Variants in GAN observed in about 807,000 individuals in gnomAD.
GAN encodes gigaxonin.
In GAN, 48 loss-of-function variants were observed where a neutral mutation model predicts 71.3. The observed-to-expected ratio is 0.67, with a 90% CI of 0.53 to 0.86. GAN has a LOEUF of 0.86. Among genes scored for constraint, GAN ranks in the 40% least tolerant of loss-of-function variants. The probability of loss-of-function intolerance (pLI) is 0.00; values close to 1 mark genes in which losing one functional copy is unlikely to be tolerated. For missense variants in GAN, 928 were observed against 770.1 expected, an observed-to-expected ratio of 1.21 and a Z score of -2.43; for synonymous variants, 386 against 276.8, an observed-to-expected ratio of 1.39 and a Z score of -3.92.
intron 1 of GAN, among the ~76,000 whole-genome samples, chr16:81,339,956 T>C (rs1909887367): frequency 1.3e-5 from 2 of 152,194 alleles, no homozygotes; most frequent in Admixed American, 1.3e-4. Context: ...CAGCAATTCA[T>C]TTTTTCATGG....
At chr16:81,335,746 C>CAAAAA (rs55948723) in intron 1 of GAN, among the ~76,000 whole-genome samples, 4 of 103,414 alleles carry the variant, frequency 3.9e-5, no homozygotes, top group East Asian at 2.6e-4. Context: ...GACTCAGTCT[C>CAAAAA]AAAAAAAAAA....
chr16:81,332,547 G>A (rs1381794230), intron 1 of GAN, among the ~76,000 whole-genome samples: 1 of 152,154 alleles, frequency 6.6e-6, no homozygotes, highest in African/African-American at 2.4e-5. Context: ...CAAGTGCTCA[G>A]CCAACCTGAG....
At chr16:81,365,644 T>G (rs1910830945) in intron 9 of GAN, among the ~76,000 whole-genome samples, 166 bp downstream of exon 9, 1 of 150,892 alleles carries the variant, frequency 6.6e-6, no homozygotes, top group Non-Finnish European at 1.5e-5. Context: ...CAAGTGCTAG[T>G]AACTTAAAAT....
At chr16:81,360,739 C>G (rs1910646516) in intron 5 of GAN, among the ~76,000 whole-genome samples, 1 of 151,804 alleles carries the variant, frequency 6.6e-6, no homozygotes, top group Non-Finnish European at 1.5e-5. Flanking sequence ...TTTAAATTAT[C>G]TTTGTTTTTT....
chr16:81,356,644 G>C (rs1421730765), intron 3 of GAN, 141 bp from the exon 4 acceptor site: 31 of 743,440 alleles, frequency 4.2e-5, no homozygotes, highest in Admixed American at 3.6e-4. Context: ...AGATATTCAA[G>C]CAGCACGAGT....
intron 5 of GAN, among the ~76,000 whole-genome samples, chr16:81,359,478 C>G (rs192129940): frequency 1.7e-3 from 258 of 148,382 alleles, no homozygotes; most frequent in African/African-American, 5.9e-3. Context: ...TTCTTCTCTA[C>G]CAGTTTGGGA....
intron 1 of GAN, among the ~76,000 whole-genome samples, chr16:81,320,759 T>C (rs900552195): frequency 3.9e-5 from 6 of 152,196 alleles, no homozygotes; most frequent in Admixed American, 3.3e-4. Flanking sequence ...ACTCTTATGG[T>C]GATGGAAAAT....
In GAN at chr16:81,357,908, T is replaced by C; in HGVS notation, c.950T>C (p.Ile317Thr). The change falls in exon 5 of 11, where the codon ATT (isoleucine) becomes ACT (threonine). Residue 317 changes from isoleucine to threonine, a missense_variant. By Grantham distance (89) the Ile-to-Thr change is moderately conservative (BLOSUM62 -1). Transcript: ENST00000648994. ...CTGGCCCCTTTAAGCATGCCGAGAA[T>C]TAACCATGGAGTTCTCTCAGCAGGT... is the stretch of plus-strand genomic sequence containing the variant. ...IELAPLSMPR[I>T]NHGVLSAEGF... 3 of 1,613,914 alleles carry C rather than the reference T, an allele frequency of 1.9e-6. No homozygotes were observed. Among genetic ancestry groups the C allele is most frequent in the Non-Finnish European group, 2.5e-6 (3 of 1,179,822 alleles).
At chr16:81,354,258 G>T in intron 2 of GAN, 147 bp from the exon 3 acceptor site, 1 of 608,976 alleles carries the variant, frequency 1.6e-6, no homozygotes, top group East Asian at 2.8e-5. Flanking sequence ...AAAAAAAAAT[G>T]CTGGGTTAAA....
chr16:81,338,681 G>A (rs775977315), intron 1 of GAN, among the ~76,000 whole-genome samples: 5 of 152,206 alleles, frequency 3.3e-5, no homozygotes, highest in Non-Finnish European at 7.4e-5. Flanking sequence ...GACAATAAGG[G>A]AGAATAAGAC....
At chr16:81,371,603 G>A (rs774884647) in intron 9 of GAN, among the ~76,000 whole-genome samples, 1 of 152,122 alleles carries the variant, frequency 6.6e-6, no homozygotes, top group Non-Finnish European at 1.5e-5. Flanking sequence ...CTTGAGATGA[G>A]TGGATGCGCA....
intron 3 of GAN, 53 bp downstream of exon 3, chr16:81,354,808 C>T: frequency 8.8e-6 from 9 of 1,021,136 alleles, no homozygotes; most frequent in Non-Finnish European, 1.5e-6. Context: ...CTTTTTAATT[C>T]AAATTTTAGT....
intron 1 of GAN, among the ~76,000 whole-genome samples, chr16:81,329,523 G>C (rs1274908927): frequency 6.6e-6 from 1 of 152,178 alleles, no homozygotes; most frequent in African/African-American, 2.4e-5. Flanking sequence ...CCTGGTTTTT[G>C]TTCAGTCTGC....
At chr16:81,320,865 C>G (rs1431899534) in intron 1 of GAN, among the ~76,000 whole-genome samples, 3 of 152,056 alleles carry the variant, frequency 2.0e-5, no homozygotes, top group South Asian at 2.1e-4. Context: ...TGAAATTTGT[C>G]CAGAAGGTCT....
rs56859781 is a variant in GAN, at chr16:81,356,734, T to C, written c.634-51T>C. The C allele has an allele frequency of 0.017, 19,847 of 1,177,502 alleles. 440 individuals carry two copies. The highest frequency in any genetic ancestry group is 0.094 in the East Asian group (4,041 of 42,926). 72.9% of individuals were successfully genotyped at this position (1,177,502 alleles called of 1,614,324 possible). Reference sequence around the variant, plus strand: ...TGGAAAATGTAGATTCTAAAAATGATGTGTTGCATTTTCCATTGTTTTCGC... The same window carrying C: ...TGGAAAATGTAGATTCTAAAAATGACGTGTTGCATTTTCCATTGTTTTCGC... On this transcript the variant is annotated intron_variant, in intron 3 of 10. Coordinates refer to ENST00000648994, the MANE Select transcript of GAN (RefSeq NM_022041.4).
intron 9 of GAN, among the ~76,000 whole-genome samples, chr16:81,372,653 T>G (rs1048066399): frequency 6.6e-5 from 10 of 152,330 alleles, no homozygotes; most frequent in African/African-American, 2.4e-4. Flanking sequence ...GTAGATCATC[T>G]ATGTAGTCCA....
chr16:81,362,654 C>T (rs1910715758), intron 6 of GAN, 43 bp downstream of exon 6: 1 of 999,532 alleles, frequency 1.0e-6, no homozygotes, highest in Non-Finnish European at 1.6e-6. Flanking sequence ...GTTTCTCTTT[C>T]CCCTTAGCGC....
At position 81,381,243 on chromosome 16, in the gene GAN, C is replaced by T. The variant is rs1165401994; in HGVS notation, c.*3647C>T. The T allele has an allele frequency of 6.6e-6, 1 of 152,186 alleles. No homozygotes were observed. The highest frequency in any genetic ancestry group is 6.5e-5 in the Admixed American group (1 of 15,288). 9.4% of individuals were successfully genotyped at this position (152,186 alleles called of 1,614,324 possible). ...TAGAGTTCCCTTTGGTACATTCCTA[C>T]CTCAGTGTACCAAACCAGGGATTCC... On this transcript the variant is annotated 3_prime_UTR_variant, in exon 11 of 11. Transcript: ENST00000648994.
chr16:81,381,263 G>A lies in GAN; in HGVS notation c.*3667G>A, dbSNP rs1904303362. On this transcript the variant is annotated 3_prime_UTR_variant, in exon 11 of 11. Coordinates refer to ENST00000648994, the MANE Select transcript of GAN (RefSeq NM_022041.4). ...TCCTACCTCAGTGTACCAAACCAGG[G>A]ATTCCAAAAACCTTCCAAGGAGTGC... The A allele has an allele frequency of 6.6e-6, 1 of 152,134 alleles. No homozygotes were observed. The highest frequency in any genetic ancestry group is 1.5e-5 in the Non-Finnish European group (1 of 68,038). 9.4% of individuals were successfully genotyped at this position (152,134 alleles called of 1,614,324 possible).
Sources: allele counts gnomAD v4.1 joint callset (sites outside exome capture counted in the v4.1 genomes callset), GRCh38; gene constraint gnomAD v4.1.1; transcripts MANE v1.5; gene names NCBI Gene and HGNC (gene_info 2026-07-23, HGNC 2026-07-21).